Variants in KCND2 observed in about 807,000 individuals in gnomAD.
The protein encoded by KCND2 is A-type voltage-gated potassium channel KCND2.
In KCND2, 16 loss-of-function variants were observed where a neutral mutation model predicts 54.4. That is an observed-to-expected ratio of 0.29 (90% CI 0.20 to 0.45). KCND2 has a LOEUF of 0.45. Ranked by LOEUF, KCND2 falls within the 20% of genes least tolerant of loss-of-function variation. The pLI is 1.00. For missense variants in KCND2, 486 were observed against 824.2 expected, an observed-to-expected ratio of 0.59 and a Z score of 5.02; for synonymous variants, 317 against 310.7, an observed-to-expected ratio of 1.02 and a Z score of -0.21.
intron 1 of KCND2, among the ~76,000 whole-genome samples, chr7:120,430,099 G>T (rs1801768135): frequency 6.6e-6 from 1 of 152,128 alleles, no homozygotes; most frequent in Non-Finnish European, 1.5e-5. Flanking sequence ...ACAACAGCCT[G>T]GGAGGGTTAA....
At chr7:120,512,908 C>T (rs1803141459) in intron 1 of KCND2, among the ~76,000 whole-genome samples, 1 of 151,256 alleles carries the variant, frequency 6.6e-6, no homozygotes, top group Non-Finnish European at 1.5e-5. Context: ...CATTCCTGTG[C>T]CTCGGCCTCC....
intron 1 of KCND2, among the ~76,000 whole-genome samples, chr7:120,614,646 C>T (rs1792998820): frequency 6.6e-6 from 1 of 152,180 alleles, no homozygotes; most frequent in Admixed American, 6.5e-5. Context: ...AATGAAACTT[C>T]ATTTACTAAC....
At chr7:120,416,523 A>G (rs1182309829) in intron 1 of KCND2, among the ~76,000 whole-genome samples, 1 of 152,246 alleles carries the variant, frequency 6.6e-6, no homozygotes, top group African/African-American at 2.4e-5. Flanking sequence ...GTAAGTGTGT[A>G]TTGATCCAAT....
intron 1 of KCND2, among the ~76,000 whole-genome samples, chr7:120,548,020 T>A (rs945285706): frequency 1.3e-5 from 2 of 152,186 alleles, no homozygotes; most frequent in African/African-American, 4.8e-5. Context: ...TTTGCACATT[T>A]CTATGATGAA....
chr7:120,651,296 T>C (rs1791729554), intron 1 of KCND2, among the ~76,000 whole-genome samples: 2 of 147,740 alleles, frequency 1.4e-5, no homozygotes, highest in African/African-American at 5.1e-5. Context: ...TTTGTTTACC[T>C]ACTCAAGCCT....
chr7:120,285,824 A>G (rs754250318), intron 1 of KCND2, among the ~76,000 whole-genome samples: 1 of 151,974 alleles, frequency 6.6e-6, no homozygotes, highest in Non-Finnish European at 1.5e-5. Flanking sequence ...AAGAAAAAGA[A>G]TGTAGTTTAG....
chr7:120,581,433 A>G (rs1324307443), intron 1 of KCND2, among the ~76,000 whole-genome samples: 1 of 152,232 alleles, frequency 6.6e-6, no homozygotes, highest in East Asian at 1.9e-4. Flanking sequence ...GACAGTCCTT[A>G]TCCAATTCTG....
intron 1 of KCND2, among the ~76,000 whole-genome samples, chr7:120,326,245 G>T (rs182710800): frequency 6.6e-6 from 1 of 152,056 alleles, no homozygotes; most frequent in East Asian, 1.9e-4. Context: ...TGCCTAGAAA[G>T]AGCACTCTGA....
chr7:120,748,505 T>G lies in KCND2; in HGVS notation c.*647T>G, dbSNP rs1793033756. The G allele has an allele frequency of 1.3e-5, 2 of 152,588 alleles. No individual in the cohort carries two copies. Among genetic ancestry groups the G allele is most frequent in the Non-Finnish European group, 2.9e-5 (2 of 68,014 alleles). 9.5% of individuals were successfully genotyped at this position (152,588 alleles called of 1,614,324 possible). ...TAAACTCCTTTTAGACCTGCAGTAT[T>G]TCTCATGGGGATGCTCATTAGTAAA... is the stretch of plus-strand genomic sequence containing the variant. On this transcript the variant is annotated 3_prime_UTR_variant, in exon 6 of 6. Coordinates refer to ENST00000331113, the MANE Select transcript of KCND2 (RefSeq NM_012281.3).
At chr7:120,709,652 T>C (rs1406661159) in intron 1 of KCND2, among the ~76,000 whole-genome samples, 1 of 152,152 alleles carries the variant, frequency 6.6e-6, no homozygotes. Flanking sequence ...AAGGGTACCT[T>C]GGTTGTTCAT....
intron 1 of KCND2, among the ~76,000 whole-genome samples, chr7:120,403,073 T>C (rs770047553): frequency 1.3e-5 from 2 of 152,204 alleles, no homozygotes; most frequent in Non-Finnish European, 2.9e-5. Flanking sequence ...TCCTGCATTG[T>C]CCATATGTAA....
chr7:120,379,531 A>G (rs548424449), intron 1 of KCND2, among the ~76,000 whole-genome samples: 1 of 152,130 alleles, frequency 6.6e-6, no homozygotes, highest in African/African-American at 2.4e-5. Context: ...AGAAACTTCA[A>G]ATTTGCCTTT....
At chr7:120,561,872 A>G (rs1312551658) in intron 1 of KCND2, among the ~76,000 whole-genome samples, 1 of 152,100 alleles carries the variant, frequency 6.6e-6, no homozygotes, top group African/African-American at 2.4e-5. Context: ...TCGGCCTCCC[A>G]AAGTGCTGGG....
chr7:120,583,784 T>TG (rs36108636), intron 1 of KCND2, among the ~76,000 whole-genome samples: 6,732 of 142,346 alleles, frequency 0.047, 482 homozygotes, highest in African/African-American at 0.17. Flanking sequence ...ATAGGAATTG[T>TG]GGGGGGGGGG....
intron 1 of KCND2, among the ~76,000 whole-genome samples, chr7:120,316,222 C>G (rs1184524076): frequency 1.3e-5 from 2 of 152,292 alleles, no homozygotes; most frequent in Non-Finnish European, 1.5e-5. Flanking sequence ...AATCCAGGTG[C>G]TTCTGCTTTC....
rs1022636781 is a variant in KCND2, at chr7:120,686,172, A to AT, written c.1116-46725dup. On this transcript the variant is annotated intron_variant, in intron 1 of 5. Coordinates refer to ENST00000331113, the MANE Select transcript of KCND2 (RefSeq NM_012281.3). The stretch of plus-strand genomic sequence containing the variant: ...GATTAAATGGTAAATGGATATTTAG[A>AT]TTTTTTCCATATCTTGGCTATTGTG... 4.6e-5 allele frequency among the ~76,000 whole-genome samples: 7 copies of AT among 152,252 alleles called. No individual in the cohort carries two copies. The South Asian group carries it at 1.2e-3, about 27-fold the overall frequency.
At chr7:120,581,378 G>A (rs1022556860) in intron 1 of KCND2, among the ~76,000 whole-genome samples, 2 of 152,168 alleles carry the variant, frequency 1.3e-5, no homozygotes, top group Non-Finnish European at 2.9e-5. Flanking sequence ...GCACCCAGTA[G>A]GTAGTATGTG....
intron 1 of KCND2, among the ~76,000 whole-genome samples, chr7:120,276,369 C>T (rs1468575537): frequency 6.6e-6 from 1 of 152,182 alleles, no homozygotes; most frequent in East Asian, 1.9e-4. Flanking sequence ...AACTGATCAA[C>T]TCTACAATAT....
intron 1 of KCND2, among the ~76,000 whole-genome samples, chr7:120,283,334 A>G (rs1199558110): frequency 1.3e-5 from 2 of 152,126 alleles, no homozygotes; most frequent in African/African-American, 4.8e-5. Flanking sequence ...TGAAAGGGGG[A>G]GCCATTAGAG....
Sources: gnomAD v4.1 joint callset for allele counts (sites outside exome capture counted in the v4.1 genomes callset) on GRCh38, gnomAD v4.1.1 for gene constraint, MANE v1.5 for transcripts, NCBI Gene and HGNC (gene_info 2026-07-23, HGNC 2026-07-21) for gene names.